The following NYAP2 variants were observed in gnomAD, a reference collection of about 807,000 sequenced individuals.
NYAP2 encodes neuronal tyrosine-phosphorylated phosphoinositide-3-kinase adapter 2.
A neutral mutation model predicts 50.4 loss-of-function variants in NYAP2; 23 were observed. The ratio of observed to expected loss-of-function variants is 0.46; its 90% CI spans 0.33 to 0.65. The LOEUF (loss-of-function observed/expected upper bound fraction) is 0.65. Among genes scored for constraint, NYAP2 ranks in the 30% least tolerant of loss-of-function variants. The pLI, the probability that NYAP2 is intolerant of heterozygous loss-of-function variation, is 0.02. For synonymous variants in NYAP2, 394 were observed against 365.2 expected (o/e 1.08, Z -0.90); for missense variants, 885 against 861.0 (o/e 1.03, Z -0.35).
At chr2:225,523,122 A>T (rs1354870078) in intron 4 of NYAP2, among the ~76,000 whole-genome samples, 1 of 152,122 alleles carries the variant, frequency 6.6e-6, no homozygotes, top group Non-Finnish European at 1.5e-5. Context: ...AGGGCCAGCC[A>T]CATATTTGAT....
At chr2:225,652,710 C>G (rs750316692) in exon 7 of NYAP2, 5 of 152,192 alleles carry the variant, frequency 3.3e-5, no homozygotes, top group Non-Finnish European at 5.9e-5. Context: ...ACTGATGATA[C>G]CTCCAAGGGA....
chr2:225,665,811 A>T, the NYAP2 span, among the ~76,000 whole-genome samples: 9 of 131,120 alleles, frequency 6.9e-5, no homozygotes, highest in African/African-American at 2.5e-4. Flanking sequence ...TCCGTCTAAA[A>T]AAAAAAAAAA....
chr2:225,619,044 G>A (rs1047007618), intron 5 of NYAP2, among the ~76,000 whole-genome samples: 23 of 152,144 alleles, frequency 1.5e-4, no homozygotes, highest in African/African-American at 5.3e-4. Flanking sequence ...GTGTCTTCCT[G>A]GTGAACCTGT....
intron 5 of NYAP2, among the ~76,000 whole-genome samples, chr2:225,592,351 G>C (rs1420061714): frequency 6.6e-6 from 1 of 152,166 alleles, no homozygotes; most frequent in Non-Finnish European, 1.5e-5. Context: ...ATGCACCAAA[G>C]CAATGAGCAC....
At chr2:225,433,433 A>G (rs1232157042) in intron 3 of NYAP2, among the ~76,000 whole-genome samples, 1 of 152,150 alleles carries the variant, frequency 6.6e-6, no homozygotes, top group African/African-American at 2.4e-5. Context: ...ATCCTGGCGT[A>G]TGTATATTTG....
the NYAP2 span, among the ~76,000 whole-genome samples, chr2:225,660,241 G>T: frequency 5.6e-3 from 849 of 152,138 alleles, 11 homozygotes; most frequent in African/African-American, 0.02. Flanking sequence ...TACCTTGTAG[G>T]TCTCATATGT....
At chr2:225,525,539 T>C (rs541808294) in intron 4 of NYAP2, among the ~76,000 whole-genome samples, 1 of 152,278 alleles carries the variant, frequency 6.6e-6, no homozygotes, top group South Asian at 2.1e-4. Context: ...ATATACCTCA[T>C]GTTCTCACTT....
At chr2:225,541,245 C>G (rs1479975045) in intron 4 of NYAP2, among the ~76,000 whole-genome samples, 2 of 152,052 alleles carry the variant, frequency 1.3e-5, no homozygotes, top group African/African-American at 4.8e-5. Flanking sequence ...TAGGTTGTCT[C>G]TTCACTTTGT....
At chr2:225,440,490 TTAAGGC>T (rs1211488518) in intron 3 of NYAP2, among the ~76,000 whole-genome samples, 1 of 152,222 alleles carries the variant, frequency 6.6e-6, no homozygotes, top group Non-Finnish European at 1.5e-5. Flanking sequence ...TTGTGGTTCT[TTAAGGC>T]TAAGGAGCAA....
intron 4 of NYAP2, among the ~76,000 whole-genome samples, chr2:225,535,224 A>G (rs1453870379): frequency 6.6e-5 from 10 of 152,200 alleles, no homozygotes; most frequent in Admixed American, 6.5e-5. Flanking sequence ...TTTCTGCTTC[A>G]ATGTTTCTCC....
At chr2:225,658,154 A>G (rs1453077018), downstream of NYAP2, among the ~76,000 whole-genome samples, 2 of 152,142 alleles carry the variant, frequency 1.3e-5, no homozygotes, top group Admixed American at 6.5e-5. Flanking sequence ...AGAACCAACA[A>G]AATCTGAACT....
At chr2:225,659,258 T>A in the NYAP2 span, among the ~76,000 whole-genome samples, 5 of 152,212 alleles carry the variant, frequency 3.3e-5, no homozygotes, top group East Asian at 5.8e-4. Context: ...GAGCTACAGG[T>A]GTGAAGTAGC....
chr2:225,603,054 T>C (rs1278694388), intron 5 of NYAP2, among the ~76,000 whole-genome samples: 3 of 152,212 alleles, frequency 2.0e-5, no homozygotes, highest in Non-Finnish European at 4.4e-5. Context: ...AGAATTGACA[T>C]CTTAAAAATA....
intron 4 of NYAP2, among the ~76,000 whole-genome samples, chr2:225,566,343 A>G (rs1398983943): frequency 6.6e-6 from 1 of 152,206 alleles, no homozygotes; most frequent in African/African-American, 2.4e-5. Context: ...TAAGAAGATC[A>G]CAAACATTTC....
At chr2:225,573,965 G>A (rs965394414) in intron 4 of NYAP2, among the ~76,000 whole-genome samples, 3 of 152,168 alleles carry the variant, frequency 2.0e-5, no homozygotes, top group Non-Finnish European at 2.9e-5. Flanking sequence ...AGCAGGGAAG[G>A]TGTTGAGGGT....
chr2:225,638,156 T>TTGTGTGTGTGTGTG lies in NYAP2; in HGVS notation c.1828+11053_1828+11066dup, dbSNP rs146481098. On this transcript the variant is annotated intron_variant, in intron 6 of 6. Coordinates refer to ENST00000636099, the Ensembl canonical transcript of NYAP2. Reference sequence around the variant, plus strand: ...GAGAATTTTAAACAGACTCGTGTGTTTGTGTGTGTGTGTGTGTGTGTGTGT... The same window carrying TTGTGTGTGTGTGTG: ...GAGAATTTTAAACAGACTCGTGTGTTTGTGTGTGTGTGTGTGTGTGTGTGTGTGTGTGTGTGTGT... 2.4e-4 allele frequency among the ~76,000 whole-genome samples: 33 copies of TTGTGTGTGTGTGTG among 135,222 alleles called. 1 individual carries two copies. The highest frequency in any genetic ancestry group is 4.8e-4 in the Non-Finnish European group (30 of 62,986). 88.7% of individuals were successfully genotyped at this position (135,222 alleles called of 152,430 possible).
chr2:225,473,927 G>A (rs1002849134), intron 3 of NYAP2, among the ~76,000 whole-genome samples: 3 of 152,160 alleles, frequency 2.0e-5, no homozygotes, highest in Non-Finnish European at 4.4e-5. Flanking sequence ...TTCTTCTAGG[G>A]TTTTTATGGT....
At chr2:225,663,313 T>G in the NYAP2 span, among the ~76,000 whole-genome samples, 1 of 152,172 alleles carries the variant, frequency 6.6e-6, no homozygotes, top group Non-Finnish European at 1.5e-5. Context: ...GCCTCTAAAC[T>G]CACCCTCTGT....
At chr2:225,433,210 G>A (rs1689297746) in intron 3 of NYAP2, among the ~76,000 whole-genome samples, 1 of 151,972 alleles carries the variant, frequency 6.6e-6, no homozygotes, top group African/African-American at 2.4e-5. Flanking sequence ...TTTTAGCTGG[G>A]TGCAGTAGTG....
Sources: allele counts gnomAD v4.1 joint callset (sites outside exome capture counted in the v4.1 genomes callset), GRCh38; gene constraint gnomAD v4.1.1; transcripts MANE v1.5; gene names NCBI Gene and HGNC (gene_info 2026-07-23, HGNC 2026-07-21).